The following AMPD3 variants were observed in gnomAD, a reference collection of about 807,000 sequenced individuals.
The protein encoded by AMPD3 is adenosine monophosphate deaminase 3.
In AMPD3, 57 loss-of-function variants were observed where a neutral mutation model predicts 82.3. The ratio of observed to expected loss-of-function variants is 0.69; its 90% CI spans 0.56 to 0.86. The LOEUF is 0.86. AMPD3 is among the 40% of genes least tolerant of loss of function. AMPD3 has a pLI of 0.00. For synonymous variants in AMPD3, 381 were observed against 394.7 expected (o/e 0.97, Z 0.41); for missense variants, 870 against 1,003.8 (o/e 0.87, Z 1.80).
At chr11:10,481,341 A>G in intron 3 of AMPD3, 1 of 697,526 alleles carries the variant, frequency 1.4e-6, no homozygotes, top group Non-Finnish European at 1.8e-6. Flanking sequence ...TTCTCAACTG[A>G]AAATGACGGT....
In AMPD3 at chr11:10,478,587, G is replaced by A. The variant is rs149433198; in HGVS notation, c.283G>A (p.Asp95Asn). 831 of 1,614,084 alleles carry A rather than the reference G, an allele frequency of 5.1e-4. 9 individuals are homozygous for A. The highest frequency in any genetic ancestry group is 9.2e-5 in the Non-Finnish European group (108 of 1,180,050). Reference protein sequence around the residue: ...SLSLQMPPQQDWKGPPAASPA... With the variant: ...SLSLQMPPQQNWKGPPAASPA... Reference sequence around the variant, plus strand: ...GTCTCTGCAAATGCCGCCACAGCAAGATTGGAAGGGCCCCCCGGCAGCCAG... The same window carrying A: ...GTCTCTGCAAATGCCGCCACAGCAAAATTGGAAGGGCCCCCCGGCAGCCAG... Residue 95 changes from aspartate to asparagine, a missense_variant, in exon 3 of 15, where the codon GAT (aspartate) becomes AAT (asparagine). Physicochemically the swap from Asp to Asn is conservative, Grantham distance 23 (BLOSUM62 1). Coordinates refer to ENST00000396553, the MANE Select transcript of AMPD3 (RefSeq NM_001025389.2).
rs1208959061 is a variant in AMPD3, at chr11:10,461,697, C to G, written c.178C>G (p.Gln60Glu). The G allele has an allele frequency of 6.2e-7, 1 of 1,614,132 alleles. No individual in the cohort carries two copies. The highest frequency in any genetic ancestry group is 1.7e-5 in the Admixed American group (1 of 60,020). The change falls in exon 2 of 15, where the codon CAG becomes GAG. Residue 60 changes from glutamine to glutamate, a missense_variant. By Grantham distance (29) the Gln-to-Glu change is conservative (BLOSUM62 2). Transcript: ENST00000396553. ...AAAGGAAGCCAAGGAGAGGGAGCTGCAGAAGGAGCTGGCAGAGCAGAAGTC... is the reference window on the plus strand; with the variant it reads ...AAAGGAAGCCAAGGAGAGGGAGCTGGAGAAGGAGCTGGCAGAGCAGAAGTC... ...GQKEAKEREL[Q>E]KELAEQKSVE...
intron 6 of AMPD3, 26 bp downstream of exon 6, chr11:10,487,390 C>G (rs750687552): frequency 6.2e-7 from 1 of 1,613,438 alleles, no homozygotes; most frequent in Non-Finnish European, 8.5e-7. Flanking sequence ...GTGTTCACAG[C>G]TGCCTCACCC....
At position 10,494,261 on chromosome 11, in the gene AMPD3, T is replaced by G. The variant is rs192337474; in HGVS notation, c.1135-638T>G. Among the ~76,000 whole-genome samples the G allele has an allele frequency of 5.9e-4, 90 of 152,290 alleles. 1 individual carries two copies. Among genetic ancestry groups the G allele is most frequent in the African/African-American group, 1.9e-3 (78 of 41,556 alleles). ...CAAATATCATATGATTCCACTGATATAAGGTCCCTAGAATAGGCAAATTCA... is the reference window on the plus strand; with the variant it reads ...CAAATATCATATGATTCCACTGATAGAAGGTCCCTAGAATAGGCAAATTCA... On this transcript the variant is annotated intron_variant, in intron 7 of 14. Transcript: ENST00000396553.
At chr11:10,458,147 TG>T (rs1049880019) in intron 1 of AMPD3, among the ~76,000 whole-genome samples, 5 of 151,060 alleles carry the variant, frequency 3.3e-5, no homozygotes, top group Admixed American at 2.0e-4. Flanking sequence ...CCCTTTGGCC[TG>T]GCCTCTCAAT....
intron 2 of AMPD3, among the ~76,000 whole-genome samples, chr11:10,477,449 T>G (rs549286611): frequency 6.6e-6 from 1 of 152,254 alleles, no homozygotes; most frequent in African/African-American, 2.4e-5. Flanking sequence ...GGCCTCACCT[T>G]AATGCTGGGT....
rs944884184 is a variant in AMPD3 at position 10,458,528 on chromosome 11, G to A, written c.-5-2987G>A. 8.5e-5 allele frequency among the ~76,000 whole-genome samples: 13 copies of A among 152,192 alleles called. No individual in the cohort carries two copies. In the East Asian group the frequency reaches 1.7e-3, roughly 20 times the overall value. Reference sequence around the variant, plus strand: ...CCTGCCACCTGGTCATTTTGACTGCGTGAATCTCTTGCAGGTCTTGCCCAT... The same window carrying A: ...CCTGCCACCTGGTCATTTTGACTGCATGAATCTCTTGCAGGTCTTGCCCAT... On this transcript the variant is annotated intron_variant, in intron 1 of 14. Coordinates refer to ENST00000396553, the MANE Select transcript of AMPD3 (RefSeq NM_001025389.2).
upstream of AMPD3, among the ~76,000 whole-genome samples, chr11:10,451,683 G>C (rs745962975): frequency 1.1e-4 from 17 of 152,220 alleles, no homozygotes; most frequent in Non-Finnish European, 1.5e-4. Flanking sequence ...GTATGTGGCT[G>C]AAAGCTTGAT....
At chr11:10,496,723 G>C in intron 9 of AMPD3, 89 bp from the exon 10 acceptor site, 1 of 1,602,388 alleles carries the variant, frequency 6.2e-7, no homozygotes, top group Non-Finnish European at 8.5e-7. Flanking sequence ...TGGGGACACA[G>C]GGTGCCTGAG....
At chr11:10,501,715 G>T in intron 12 of AMPD3, 125 bp downstream of exon 12, 2 of 1,510,314 alleles carry the variant, frequency 1.3e-6, no homozygotes, top group Non-Finnish European at 1.8e-6. Context: ...CCTTATCTTG[G>T]TTTTATTTTT....
chr11:10,455,112 TC>T (rs1175154820), upstream of AMPD3: 2 of 984,724 alleles, frequency 2.0e-6, no homozygotes, highest in Non-Finnish European at 2.4e-6. Flanking sequence ...ACAGCTAGCC[TC>T]CCGGTAAACA....
At chr11:10,498,310 G>C (rs1480370102) in intron 10 of AMPD3, 2 of 152,514 alleles carry the variant, frequency 1.3e-5, no homozygotes, top group African/African-American at 2.4e-5. Context: ...GGCTTTGCAG[G>C]AGCATGGATG....
chr11:10,504,496 G>A (rs1849661841), intron 13 of AMPD3, 53 bp from the exon 14 acceptor site: 6 of 1,548,204 alleles, frequency 3.9e-6, no homozygotes, highest in East Asian at 4.5e-5. Context: ...ATGTGTGAAC[G>A]ATTGACATGG....
At chr11:10,491,868 C>T (rs1384082040) in intron 6 of AMPD3, among the ~76,000 whole-genome samples, 1 of 152,074 alleles carries the variant, frequency 6.6e-6, no homozygotes, top group Non-Finnish European at 1.5e-5. Context: ...ATCAAGAAGG[C>T]AATAGTATGT....
intron 11 of AMPD3, chr11:10,500,512 A>T (rs757469517): frequency 2.6e-6 from 2 of 774,792 alleles, no homozygotes; most frequent in Admixed American, 6.3e-5. Flanking sequence ...ACAGTATGCA[A>T]TGCAGCCACA....
chr11:10,476,474 T>TG lies in AMPD3; in HGVS notation c.222-2052_222-2051insG, dbSNP rs201794397. ...GCATTTGGGCTGTAGTGTTTTTTTT[T>TG]TTGTGTGTGTGTGTGTGGTTTTTTT... On this transcript the variant is annotated intron_variant, in intron 2 of 14. Coordinates refer to ENST00000396553, the MANE Select transcript of AMPD3 (RefSeq NM_001025389.2). Among the ~76,000 whole-genome samples, 172 of 143,602 alleles carry TG rather than the reference T, an allele frequency of 1.2e-3. 1 individual carries two copies. The highest frequency in any genetic ancestry group is 3.9e-3 in the African/African-American group (152 of 39,116). 94.2% of individuals were successfully genotyped at this position (143,602 alleles called of 152,430 possible).
chr11:10,505,520 G>A, intron 14 of AMPD3, 188 bp from the exon 15 acceptor site: 1 of 985,340 alleles, frequency 1.0e-6, no homozygotes, highest in African/African-American at 1.7e-5. Flanking sequence ...GGTTGTCAGG[G>A]TGACATCCTT....
intron 1 of AMPD3, among the ~76,000 whole-genome samples, chr11:10,460,646 T>A (rs1848242798): frequency 6.6e-6 from 1 of 151,650 alleles, no homozygotes; most frequent in African/African-American, 2.4e-5. Flanking sequence ...TGACCTCAGG[T>A]GATCTGCCCG....
In AMPD3 at chr11:10,492,010, G is replaced by A. The variant is rs556467831; in HGVS notation, c.940-1339G>A. 2.6e-5 allele frequency among the ~76,000 whole-genome samples: 4 copies of A among 152,302 alleles called. No homozygotes were observed. The South Asian group carries it at 8.3e-4, about 32-fold the overall frequency. ...GAGAGGACAAGAGGGCCCAGGACCAGGCATCAAGAAATTCCATTATTAAGA... is the reference window on the plus strand; with the variant it reads ...GAGAGGACAAGAGGGCCCAGGACCAAGCATCAAGAAATTCCATTATTAAGA... On this transcript the variant is annotated intron_variant, in intron 6 of 14. Coordinates refer to ENST00000396553, the MANE Select transcript of AMPD3 (RefSeq NM_001025389.2).
Sources: gnomAD v4.1 joint callset for allele counts (sites outside exome capture counted in the v4.1 genomes callset) on GRCh38, gnomAD v4.1.1 for gene constraint, MANE v1.5 for transcripts, NCBI Gene and HGNC (gene_info 2026-07-23, HGNC 2026-07-21) for gene names.